PAX5: variants seen among roughly 807,000 people sequenced by gnomAD.
PAX5 encodes the protein paired box protein Pax-5.
In PAX5, 9 loss-of-function variants were observed where a neutral mutation model predicts 43.7. The observed-to-expected ratio is 0.21, with a 90% CI of 0.12 to 0.36. The LOEUF (loss-of-function observed/expected upper bound fraction) is 0.36, where lower values mean the gene tolerates loss of function less well. Among genes scored for constraint, PAX5 ranks in the 10% least tolerant of loss-of-function variants. PAX5 has a pLI of 1.00. For synonymous variants in PAX5, 228 were observed against 214.3 expected (o/e 1.06, Z -0.56); for missense variants, 383 against 532.7 (o/e 0.72, Z 2.77).
At chr9:36,921,091 GC>G (rs2131956575) in intron 7 of PAX5, among the ~76,000 whole-genome samples, 1 of 152,270 alleles carries the variant, frequency 6.6e-6, no homozygotes, top group Admixed American at 6.5e-5. Flanking sequence ...GGGATTACAG[GC>G]GTGAGCCACT....
chr9:37,014,944 G>A, intron 3 of PAX5, 53 bp downstream of exon 3: 3 of 1,529,994 alleles, frequency 2.0e-6, no homozygotes, highest in Non-Finnish European at 2.7e-6. Flanking sequence ...GAGCCTCCAG[G>A]ATGCCCTGCC....
intron 1 of PAX5, among the ~76,000 whole-genome samples, chr9:37,027,893 G>C (rs2132548127): frequency 6.6e-6 from 1 of 152,384 alleles, no homozygotes; most frequent in South Asian, 2.1e-4. Flanking sequence ...ATGGGGGGCG[G>C]GGCCCAGGCG....
chr9:36,970,127 G>A (rs1834813009), intron 5 of PAX5, among the ~76,000 whole-genome samples: 1 of 152,188 alleles, frequency 6.6e-6, no homozygotes, highest in Non-Finnish European at 1.5e-5. Context: ...ATAAACATAG[G>A]ATTACAAACA....
chr9:36,952,227 C>G (rs1969993), intron 6 of PAX5, among the ~76,000 whole-genome samples: 4 of 135,104 alleles, frequency 3.0e-5, no homozygotes, highest in Non-Finnish European at 6.1e-5. Context: ...ATGCTCTGAC[C>G]ATCTCCCTTT....
At chr9:37,001,827 T>TTTCC (rs61514710) in intron 5 of PAX5, among the ~76,000 whole-genome samples, 41 of 133,006 alleles carry the variant, frequency 3.1e-4, no homozygotes, top group Admixed American at 2.3e-4. Context: ...TTTTTTTTTT[T>TTTCC]TTTTTTTCTT....
intron 6 of PAX5, among the ~76,000 whole-genome samples, chr9:36,937,538 C>A (rs1200745697): frequency 1.3e-5 from 2 of 152,174 alleles, no homozygotes; most frequent in Non-Finnish European, 2.9e-5. Flanking sequence ...CACGATGTGC[C>A]GGAGCCCTGA....
At chr9:36,851,085 A>G (rs970687586) in intron 8 of PAX5, among the ~76,000 whole-genome samples, 1 of 152,224 alleles carries the variant, frequency 6.6e-6, no homozygotes, top group African/African-American at 2.4e-5. Context: ...CAAGCGATTG[A>G]ACCTTCCAGG....
At chr9:36,896,380 T>C (rs567724660) in intron 7 of PAX5, among the ~76,000 whole-genome samples, 9 of 151,422 alleles carry the variant, frequency 5.9e-5, no homozygotes, top group African/African-American at 1.9e-4. Flanking sequence ...TCCAATTATT[T>C]CCTCAAACCA....
chr9:36,901,472 A>G lies in PAX5; in HGVS notation c.911-19367T>C, dbSNP rs546144173. 2.6e-5 allele frequency among the ~76,000 whole-genome samples: 4 copies of G among 152,184 alleles called. No individual in the cohort carries two copies. In the South Asian group the frequency reaches 8.3e-4, roughly 32 times the overall value. Reference sequence around the variant, plus strand: ...CACCTTTTAAAAACATTTACTGAGCACTTTTGATGAGCCAAGAGCCTAGCT... The same window carrying G: ...CACCTTTTAAAAACATTTACTGAGCGCTTTTGATGAGCCAAGAGCCTAGCT... On this transcript the variant is annotated intron_variant, in intron 7 of 9. Transcript: ENST00000358127.
At chr9:36,949,055 G>GTTTGT (rs755546144) in intron 6 of PAX5, among the ~76,000 whole-genome samples, 10 of 152,068 alleles carry the variant, frequency 6.6e-5, no homozygotes, top group Admixed American at 2.0e-4. Context: ...CTGTTTTTTT[G>GTTTGT]TTTGTTTTGT....
chr9:36,919,839 C>CAAAAAAAAAAA (rs61173333), intron 7 of PAX5, among the ~76,000 whole-genome samples: 10 of 66,222 alleles, frequency 1.5e-4, no homozygotes, highest in Non-Finnish European at 2.2e-4. Flanking sequence ...GACTCTGTCT[C>CAAAAAAAAAAA]AAAAAAAAAA....
chr9:36,985,660 G>A (rs1161226333), intron 5 of PAX5, among the ~76,000 whole-genome samples: 2 of 152,162 alleles, frequency 1.3e-5, no homozygotes, highest in African/African-American at 4.8e-5. Flanking sequence ...TTCTGAGGCC[G>A]GCGCCTGGCC....
chr9:36,862,916 A>C (rs956976717), intron 8 of PAX5, among the ~76,000 whole-genome samples: 1 of 152,172 alleles, frequency 6.6e-6, no homozygotes, highest in African/African-American at 2.4e-5. Flanking sequence ...AAACAGACCA[A>C]GGGGGCAGGC....
intron 5 of PAX5, among the ~76,000 whole-genome samples, chr9:37,000,257 A>G (rs1278910895): frequency 6.6e-6 from 1 of 152,126 alleles, no homozygotes; most frequent in African/African-American, 2.4e-5. Flanking sequence ...CTGGGATCAA[A>G]CGTGCATACT....
chr9:36,970,688 G>A (rs754069271), intron 5 of PAX5, among the ~76,000 whole-genome samples: 2 of 152,100 alleles, frequency 1.3e-5, no homozygotes, highest in Non-Finnish European at 2.9e-5. Flanking sequence ...GTGATTCACT[G>A]TGCCCATATG....
Position 37,034,098 on chromosome 9 carries a change from C to CCTTTTTTTTTTTT in PAX5, c.-68_-67insAAAAAAAAAAAAG, listed in dbSNP as rs1841296662. 4.1e-6 allele frequency: 1 copy of CCTTTTTTTTTTTT among 242,536 alleles called. No homozygotes were observed. The highest frequency in any genetic ancestry group is 7.3e-6 in the Non-Finnish European group (1 of 136,530). 15.0% of individuals were successfully genotyped at this position (242,536 alleles called of 1,614,324 possible). On this transcript the variant is annotated 5_prime_UTR_variant, in exon 1 of 10. Transcript: ENST00000358127. ...TCCACTTTTTTGTGCCTTTTTTTTTCTTTTTTTTTTTTTTTTTTTTTTTTT... is the reference window on the plus strand; with the variant it reads ...TCCACTTTTTTGTGCCTTTTTTTTTCCTTTTTTTTTTTTTTTTTTTTTTTTTTTTTTTTTTTTT...
chr9:36,976,394 G>T (rs142893886), intron 5 of PAX5, among the ~76,000 whole-genome samples: 58 of 152,230 alleles, frequency 3.8e-4, no homozygotes, highest in African/African-American at 1.2e-3. Flanking sequence ...GAGAAGGGAC[G>T]ATCAGAGCCA....
At chr9:37,031,198 G>A (rs561309448) in intron 1 of PAX5, among the ~76,000 whole-genome samples, 8 of 152,136 alleles carry the variant, frequency 5.3e-5, no homozygotes, top group Non-Finnish European at 1.0e-4. Flanking sequence ...CACCTTAGTC[G>A]GGGTGTGTTA....
chr9:36,863,770 G>A (rs1373139330), intron 8 of PAX5, among the ~76,000 whole-genome samples: 4 of 152,194 alleles, frequency 2.6e-5, no homozygotes, highest in African/African-American at 7.2e-5. Context: ...CAAAAAACAC[G>A]CAGGTCGGGG....
Sources: allele counts gnomAD v4.1 joint callset (sites outside exome capture counted in the v4.1 genomes callset), GRCh38; gene constraint gnomAD v4.1.1; transcripts MANE v1.5; gene names NCBI Gene and HGNC (gene_info 2026-07-23, HGNC 2026-07-21).